MCTP2: variants seen among roughly 807,000 people sequenced by gnomAD.
The protein encoded by MCTP2 is multiple C2 and transmembrane domain containing 2.
MCTP2 carries 132 observed loss-of-function variants against 111.6 expected under a neutral mutation model. The ratio of observed to expected loss-of-function variants is 1.18; its 90% CI spans 1.03 to 1.37. The LOEUF (loss-of-function observed/expected upper bound fraction) is 1.37, where lower values mean the gene tolerates loss of function less well. Ranked by LOEUF, MCTP2 falls within the 40% of genes most tolerant of loss-of-function variation. The pLI, the probability that MCTP2 is intolerant of heterozygous loss-of-function variation, is 0.00. For missense variants in MCTP2, 1,183 were observed against 1,067.9 expected, an observed-to-expected ratio of 1.11 and a Z score of -1.50; for synonymous variants, 395 against 387.7, an observed-to-expected ratio of 1.02 and a Z score of -0.22.
At chr15:94,233,543 T>TAC (rs1280475815) in intron 1 of MCTP2, among the ~76,000 whole-genome samples, 1 of 152,112 alleles carries the variant, frequency 6.6e-6, no homozygotes, top group Admixed American at 6.5e-5. Context: ...GCAAGATGAT[T>TAC]AGCGGTCTCT....
chr15:94,418,144 G>A (rs1191106387), intron 17 of MCTP2, among the ~76,000 whole-genome samples: 1 of 152,078 alleles, frequency 6.6e-6, no homozygotes, highest in Non-Finnish European at 1.5e-5. Flanking sequence ...TTATGTTTAA[G>A]CTTTTAGTCA....
chr15:94,380,882 C>T (rs1170549742), intron 12 of MCTP2, among the ~76,000 whole-genome samples: 1 of 152,182 alleles, frequency 6.6e-6, no homozygotes, highest in Non-Finnish European at 1.5e-5. Flanking sequence ...AGTGAACCCC[C>T]CCCTTACTTG....
intron 1 of MCTP2, among the ~76,000 whole-genome samples, chr15:94,236,733 A>G (rs1210579458): frequency 1.3e-5 from 2 of 152,156 alleles, no homozygotes; most frequent in East Asian, 1.9e-4. Flanking sequence ...CATGATCCCC[A>G]TGGACCGGAA....
chr15:94,378,004 G>C (rs2079874994), intron 12 of MCTP2, among the ~76,000 whole-genome samples: 1 of 152,126 alleles, frequency 6.6e-6, no homozygotes, highest in African/African-American at 2.4e-5. Flanking sequence ...TCATGTCTTA[G>C]GTGGGACTGG....
At chr15:94,249,581 G>A (rs1596176949) in intron 1 of MCTP2, among the ~76,000 whole-genome samples, 2 of 152,090 alleles carry the variant, frequency 1.3e-5, no homozygotes, top group East Asian at 1.9e-4. Flanking sequence ...CGCCTCCTGG[G>A]TTCACGCCAT....
Position 94,276,051 on chromosome 15 carries a change from A to G in MCTP2, c.-65-22150A>G, listed in dbSNP as rs373939090. Among the ~76,000 whole-genome samples, 206 of 152,024 alleles carry G rather than the reference A, an allele frequency of 1.4e-3. 1 individual carries two copies. The highest frequency in any genetic ancestry group is 3.3e-3 in the South Asian group (16 of 4,814). ...AGTAGAGATGGGATTTCACCGTGTT[A>G]GCCAGGATGGTCTTGATCTCCTGAC... On this transcript the variant is annotated intron_variant, in intron 1 of 22. Transcript: ENST00000357742.
intron 10 of MCTP2, among the ~76,000 whole-genome samples, chr15:94,362,588 C>T (rs933511043): frequency 1.3e-5 from 2 of 152,200 alleles, no homozygotes; most frequent in Non-Finnish European, 2.9e-5. Flanking sequence ...TCTGCTTTTA[C>T]AGCCAGGCTT....
At chr15:94,384,711 G>A (rs553031878) in intron 13 of MCTP2, among the ~76,000 whole-genome samples, 4 of 152,312 alleles carry the variant, frequency 2.6e-5, no homozygotes, top group African/African-American at 7.2e-5. Context: ...CTGTCCCTAC[G>A]AAGCTAAATC....
At chr15:94,443,759 A>G (rs980991337) in intron 19 of MCTP2, among the ~76,000 whole-genome samples, 1 of 152,160 alleles carries the variant, frequency 6.6e-6, no homozygotes, top group African/African-American at 2.4e-5. Context: ...GGTGGATTAC[A>G]AAGTAAATCT....
At chr15:94,400,092 C>G in intron 16 of MCTP2, 97 bp downstream of exon 16, 2 of 1,031,876 alleles carry the variant, frequency 1.9e-6, no homozygotes, top group Non-Finnish European at 1.5e-6. Flanking sequence ...TGAAACTTTT[C>G]CTCCCTCTTA....
chr15:94,391,159 A>G (rs12595593), intron 14 of MCTP2, among the ~76,000 whole-genome samples: 47,275 of 151,964 alleles, frequency 0.31, 8,098 homozygotes, highest in East Asian at 0.68. Context: ...CGGTGAATCC[A>G]TGTACACCCG....
At chr15:94,465,023 T>C (rs925169575) in intron 20 of MCTP2, among the ~76,000 whole-genome samples, 45 of 152,150 alleles carry the variant, frequency 3.0e-4, no homozygotes, top group African/African-American at 1.0e-3. Flanking sequence ...TGGCTTGTTC[T>C]ATCAATTACT....
chr15:94,312,321 G>T (rs13329421), intron 2 of MCTP2, among the ~76,000 whole-genome samples: 20,122 of 152,190 alleles, frequency 0.13, 1,492 homozygotes, highest in East Asian at 0.35. Flanking sequence ...CTGATTATTG[G>T]CATAAAGTGG....
rs561076561 is a variant in MCTP2, at chr15:94,307,001, C to T, written c.466-7281C>T. ...TTTTTGTGTGATCTCGAAAGTCGTA[C>T]CTCAATATGTGATGGTGTGTCAGAG... is the stretch of plus-strand genomic sequence containing the variant. On this transcript the variant is annotated intron_variant, in intron 2 of 22. Coordinates refer to ENST00000357742, the MANE Select transcript of MCTP2 (RefSeq NM_001385001.1). Among the ~76,000 whole-genome samples, 6 of 152,144 alleles carry T rather than the reference C, an allele frequency of 3.9e-5. No homozygotes were observed. In the South Asian group the frequency reaches 1.3e-3, roughly 32 times the overall value.
At chr15:94,302,336 CA>C (rs1335540950) in intron 2 of MCTP2, among the ~76,000 whole-genome samples, 1 of 152,180 alleles carries the variant, frequency 6.6e-6, no homozygotes, top group Non-Finnish European at 1.5e-5. Flanking sequence ...CTGAATTCTG[CA>C]GTCACCTCCA....
intron 14 of MCTP2, among the ~76,000 whole-genome samples, chr15:94,388,418 T>C (rs546934798): frequency 2.4e-4 from 36 of 152,346 alleles, no homozygotes; most frequent in Non-Finnish European, 4.7e-4. Flanking sequence ...GGGCTCTCCC[T>C]GAAATTCAGT....
At chr15:94,288,270 G>A (rs907087120) in intron 1 of MCTP2, among the ~76,000 whole-genome samples, 3 of 152,204 alleles carry the variant, frequency 2.0e-5, no homozygotes, top group African/African-American at 4.8e-5. Context: ...AAGTATCACA[G>A]GAGACAGCTG....
At chr15:94,367,535 T>A in intron 10 of MCTP2, 70 bp from the exon 11 acceptor site, 1 of 1,199,612 alleles carries the variant, frequency 8.3e-7, no homozygotes, top group Non-Finnish European at 1.2e-6. Flanking sequence ...CAAAGCCAGG[T>A]GCTTTGGAGG....
intron 4 of MCTP2, among the ~76,000 whole-genome samples, chr15:94,330,031 C>G (rs1054337720): frequency 6.6e-6 from 1 of 152,138 alleles, no homozygotes; most frequent in African/African-American, 2.4e-5. Flanking sequence ...TTTTTAGATG[C>G]CACATATGAA....
Sources: gnomAD v4.1 joint callset for allele counts (sites outside exome capture counted in the v4.1 genomes callset) on GRCh38, gnomAD v4.1.1 for gene constraint, MANE v1.5 for transcripts, NCBI Gene and HGNC (gene_info 2026-07-23, HGNC 2026-07-21) for gene names.